TGM4: variants seen among roughly 807,000 people sequenced by gnomAD.
TGM4 encodes the protein transglutaminase 4, also known as protein-glutamine gamma-glutamyltransferase 4.
Under a neutral mutation model 76.3 loss-of-function variants are expected in TGM4, and 61 were observed. The observed-to-expected ratio is 0.80, with a 90% CI of 0.65 to 0.99. TGM4 has a LOEUF of 0.99. Among genes scored for constraint, TGM4 ranks in the 50% least tolerant of loss-of-function variants. The pLI is 0.00. For synonymous variants in TGM4, 337 were observed against 329.8 expected, an observed-to-expected ratio of 1.02 and a Z score of -0.24; for missense variants, 794 against 843.2, an observed-to-expected ratio of 0.94 and a Z score of 0.72.
chr3:44,908,056 G>A (rs1170421304), intron 10 of TGM4, among the ~76,000 whole-genome samples: 2 of 152,198 alleles, frequency 1.3e-5, no homozygotes, highest in African/African-American at 2.4e-5. Context: ...ACCCTCCATT[G>A]CAGTATAGTT....
rs752486746 is a variant in TGM4, at chr3:44,910,092, T to C, written c.1330T>C (p.Ser444Pro). ...ITYEYKYPEGSSEERQVMDHA... is the reference protein window; with the variant it reads ...ITYEYKYPEGPSEERQVMDHA... The stretch of plus-strand genomic sequence containing the variant: ...AGCTGCCTTTGTGTCTCTTTCAGGC[T>C]CCTCTGAGGAGAGGCAGGTCATGGA... The change falls in exon 11 of 14, where the codon TCC becomes CCC. Residue 444 changes from serine (S) to proline (P), a missense_variant and splice_region_variant. Ser to Pro is a moderately conservative substitution (Grantham distance 74). Coordinates refer to ENST00000296125, the MANE Select transcript of TGM4 (RefSeq NM_003241.4). The C allele has an allele frequency of 1.2e-6, 2 of 1,612,182 alleles. No individual in the cohort carries two copies. Among genetic ancestry groups the C allele is most frequent in the South Asian group, 1.1e-5 (1 of 90,994 alleles).
chr3:44,903,611 G>C (rs1699882551), intron 8 of TGM4: 1 of 458,876 alleles, frequency 2.2e-6, no homozygotes, highest in Non-Finnish European at 4.0e-6. Flanking sequence ...AGACTCCCAG[G>C]CTCTTTGAAA....
chr3:44,893,477 A>G, intron 4 of TGM4, 100 bp from the exon 5 acceptor site: 1 of 1,029,232 alleles, frequency 9.7e-7, no homozygotes, highest in Non-Finnish European at 1.5e-6. Context: ...GCCCCTCACA[A>G]AGACCTTGAA....
intron 11 of TGM4, among the ~76,000 whole-genome samples, chr3:44,910,672 G>A (rs112193045): frequency 4.1e-4 from 62 of 152,288 alleles, no homozygotes; most frequent in African/African-American, 1.4e-3. Context: ...TGCCCAGTCA[G>A]ATCAATGATT....
rs1699734790 is a variant in TGM4, at chr3:44,893,649, T to C, written c.503T>C (p.Val168Ala). 20 of 1,613,880 alleles carry C rather than the reference T, an allele frequency of 1.2e-5. No homozygotes were observed. Among genetic ancestry groups the C allele is most frequent in the Non-Finnish European group, 1.7e-5 (20 of 1,179,856 alleles). ...YILNDTGCHY[V>A]GAARSIKCKP... ...CTCAATGACACGGGCTGCCATTACG[T>C]GGGGGCTGCCAGAAGTATCAAATGC... is the stretch of plus-strand genomic sequence containing the variant. Residue 168 changes from valine (V) to alanine (A), a missense_variant, in exon 5 of 14, where the codon GTG (valine) becomes GCG (alanine). Val to Ala is a moderately conservative substitution (Grantham distance 64). Transcript: ENST00000296125.
intron 3 of TGM4, chr3:44,890,255 C>A (rs575316091): frequency 4.8e-6 from 1 of 206,876 alleles, no homozygotes; most frequent in Non-Finnish European, 9.8e-6. Flanking sequence ...CTTATGCGTA[C>A]TTTATCCACA....
At position 44,907,308 on chromosome 3, in the gene TGM4, A is replaced by G. The variant is rs559729302; in HGVS notation, c.1327+108A>G. On this transcript the variant is annotated intron_variant, in intron 10 of 13. Coordinates refer to ENST00000296125, the MANE Select transcript of TGM4 (RefSeq NM_003241.4). ...GGCAACATGGTGAAACCCCATCCCTACCAAAAAAAAAAAAAAAAAAAAAAA... is the reference window on the plus strand; with the variant it reads ...GGCAACATGGTGAAACCCCATCCCTGCCAAAAAAAAAAAAAAAAAAAAAAA... 3.8e-4 allele frequency: 331 copies of G among 875,748 alleles called. 1 individual carries two copies. In the South Asian group the frequency reaches 5.4e-3, roughly 14 times the overall value. The allele number at this position is 875,748 out of a possible 1,614,324, so 54.2% of individuals were successfully genotyped here. A position where few individuals can be genotyped will look rare whatever the true frequency, so the allele number is the denominator to read the frequency against.
At chr3:44,908,447 G>A (rs1699956347) in intron 10 of TGM4, among the ~76,000 whole-genome samples, 1 of 151,436 alleles carries the variant, frequency 6.6e-6, no homozygotes, top group East Asian at 1.9e-4. Flanking sequence ...TATCAGGGAG[G>A]GAGGGAAAGG....
At chr3:44,886,695 G>A (rs1247839554) in intron 2 of TGM4, among the ~76,000 whole-genome samples, 1 of 152,218 alleles carries the variant, frequency 6.6e-6, no homozygotes, top group Non-Finnish European at 1.5e-5. Flanking sequence ...ATGACATAGT[G>A]TGAATCACTC....
In TGM4 at chr3:44,890,919, G is replaced by T. The variant is rs190799682; in HGVS notation, c.430+187G>T. ...TCTTTGTGACCAGGCCCCTTAGAAT[G>T]GAGGTCCTTATTCCCTGTTTCCACT... On this transcript the variant is annotated intron_variant, in intron 4 of 13. Coordinates refer to ENST00000296125, the MANE Select transcript of TGM4 (RefSeq NM_003241.4). Among the ~76,000 whole-genome samples the T allele has an allele frequency of 7.2e-5, 11 of 152,294 alleles. No individual in the cohort carries two copies. The East Asian group carries it at 1.7e-3, about 24-fold the overall frequency.
chr3:44,896,236 C>T (rs1013000803), intron 5 of TGM4, among the ~76,000 whole-genome samples: 1 of 152,134 alleles, frequency 6.6e-6, no homozygotes, highest in Non-Finnish European at 1.5e-5. Flanking sequence ...CTCAGCTTCC[C>T]GAGTAGCTGG....
chr3:44,887,951 C>CT, intron 3 of TGM4, 156 bp downstream of exon 3: 1 of 667,526 alleles, frequency 1.5e-6, no homozygotes, highest in East Asian at 2.7e-5. Flanking sequence ...CTCCAAATGT[C>CT]TGTTTCCCCA....
intron 5 of TGM4, among the ~76,000 whole-genome samples, chr3:44,894,995 C>T (rs62242577): frequency 0.31 from 47,320 of 151,952 alleles, 8,640 homozygotes; most frequent in East Asian, 0.82. Flanking sequence ...AGTTTCCCCT[C>T]TTAGAAAATC....
At chr3:44,896,511 T>A (rs975733503) in intron 5 of TGM4, among the ~76,000 whole-genome samples, 198 bp from the exon 6 acceptor site, 1 of 152,252 alleles carries the variant, frequency 6.6e-6, no homozygotes, top group Non-Finnish European at 1.5e-5. Context: ...TCTATAAACT[T>A]ACTTAACTAC....
chr3:44,906,175 G>A (rs1160766711), intron 9 of TGM4, among the ~76,000 whole-genome samples: 1 of 152,170 alleles, frequency 6.6e-6, no homozygotes, highest in Non-Finnish European at 1.5e-5. Flanking sequence ...CACAGGTTTG[G>A]CTGCCTTAAA....
chr3:44,892,035 G>T (rs1031178722), intron 4 of TGM4, among the ~76,000 whole-genome samples: 4 of 151,574 alleles, frequency 2.6e-5, no homozygotes, highest in Non-Finnish European at 5.9e-5. Context: ...AAGGCAGGCG[G>T]AACACAGGGT....
In TGM4 at chr3:44,911,400, A is replaced by G; in HGVS notation, c.1907A>G (p.Asp636Gly). The G allele has an allele frequency of 1.2e-6, 2 of 1,614,092 alleles. No homozygotes were observed. The highest frequency in any genetic ancestry group is 1.7e-6 in the Non-Finnish European group (2 of 1,180,026). Reference protein sequence around the residue: ...SLGISSLQTSDHGTVQPGETI... With the variant: ...SLGISSLQTSGHGTVQPGETI... ...GGCATCTCCTCACTACAGACCTCTG[A>G]CCATGGGTGAGTCTGCCTGAGGTAT... Residue 636 changes from aspartate (D) to glycine (G), a missense_variant, in exon 13 of 14, where the codon GAC becomes GGC. Asp to Gly is a moderately conservative substitution (Grantham distance 94, BLOSUM62 -1). Transcript: ENST00000296125.
At chr3:44,893,259 C>A (rs1334614541) in intron 4 of TGM4, among the ~76,000 whole-genome samples, 1 of 152,154 alleles carries the variant, frequency 6.6e-6, no homozygotes, top group Non-Finnish European at 1.5e-5. Flanking sequence ...CAGAGTCCTC[C>A]CTTCACTCCC....
chr3:44,907,333 A>T, intron 10 of TGM4, 133 bp downstream of exon 10: 1 of 883,214 alleles, frequency 1.1e-6, no homozygotes, highest in Non-Finnish European at 1.6e-6. Flanking sequence ...AAAAAAAAAA[A>T]TTAGCTGGGT....
Sources: allele counts gnomAD v4.1 joint callset (sites outside exome capture counted in the v4.1 genomes callset), GRCh38; gene constraint gnomAD v4.1.1; transcripts MANE v1.5; gene names NCBI Gene and HGNC (gene_info 2026-07-23, HGNC 2026-07-21).